The following SPTBN5 variants were observed in gnomAD, a reference collection of about 807,000 sequenced individuals.
SPTBN5 encodes the protein spectrin beta chain, non-erythrocytic 5.
Under a neutral mutation model 477.6 loss-of-function variants are expected in SPTBN5, and 513 were observed. The ratio of observed to expected loss-of-function variants is 1.07; its 90% CI spans 1.00 to 1.16. The LOEUF is 1.16. Ranked by LOEUF, SPTBN5 falls within the 50% of genes most tolerant of loss-of-function variation. The probability of loss-of-function intolerance (pLI) is 0.00; values close to 1 mark genes in which losing one functional copy is unlikely to be tolerated. For missense variants in SPTBN5, 5,062 were observed against 4,731.8 expected (o/e 1.07, Z -2.05); for synonymous variants, 2,169 against 2,011.7 (o/e 1.08, Z -2.09).
At position 41,871,786 on chromosome 15, in the gene SPTBN5, G is replaced by T. The variant is rs1428475809; in HGVS notation, c.5297C>A (p.Ala1766Asp). Residue 1766 changes from alanine (A) to aspartate (D), a missense_variant, in exon 28 of 68, where the codon GCC (alanine) becomes GAC (aspartate). Physicochemically the swap from Ala to Asp is moderately radical, Grantham distance 126 (BLOSUM62 -2). Coordinates refer to ENST00000320955, the MANE Select transcript of SPTBN5 (RefSeq NM_016642.4). ...TGACCCTGGCCCTCTTCTCACCAGGGCGTGCTCGGGGTCCTCTCCCAGGCT... is the reference window on the plus strand; with the variant it reads ...TGACCCTGGCCCTCTTCTCACCAGGTCGTGCTCGGGGTCCTCTCCCAGGCT... ...GESLGEDPEH[A>D]LHLCTKFAKF... is the part of the protein sequence containing the mutation. The T allele has an allele frequency of 6.3e-7, 1 of 1,584,204 alleles. No homozygotes were observed. The highest frequency in any genetic ancestry group is 1.7e-4 in the Middle Eastern group (1 of 5,996).
chr15:41,869,706 G>T (rs1030525955), intron 32 of SPTBN5, 135 bp downstream of exon 32: 3 of 923,952 alleles, frequency 3.2e-6, no homozygotes, highest in East Asian at 6.6e-5. Context: ...CTGACATCCC[G>T]TGTGCTCGTG....
chr15:41,874,989 C>A lies in SPTBN5; in HGVS notation c.4355G>T (p.Arg1452Leu). Residue 1452 changes from arginine to leucine, a missense_variant, in exon 23 of 68, where the codon CGC (arginine) becomes CTC (leucine). Transcript: ENST00000320955. The stretch of plus-strand genomic sequence containing the variant: ...CCGTTTCTGCAGCCTCTGGCTGGAG[C>A]GCAGGTCCTGCCCTGTTTCCGAGCT... Reference protein sequence around the residue: ...LQSSETGQDLRSSQRLQKRHQ... With the variant: ...LQSSETGQDLLSSQRLQKRHQ... The A allele has an allele frequency of 1.2e-6, 2 of 1,613,662 alleles. No homozygotes were observed. The highest frequency in any genetic ancestry group is 2.2e-5 in the East Asian group (1 of 44,872).
At position 41,857,318 on chromosome 15, in the gene SPTBN5, C is replaced by T. The variant is rs1051220573; in HGVS notation, c.8541G>A (p.Leu2847=). Residue 2847 remains leucine (L), a synonymous_variant, in exon 51 of 68, where the codon CTG becomes CTA. Coordinates refer to ENST00000320955, the MANE Select transcript of SPTBN5 (RefSeq NM_016642.4). ...DKKARQAEAL[L]GQAQAFVREG... The stretch of plus-strand genomic sequence containing the variant: ...CCCTCACAAAGGCCTGGGCCTGGCC[C>T]AGCAGTGCCTCAGCCTGCCTGGCCT... 3.2e-6 allele frequency: 5 copies of T among 1,568,506 alleles called. No homozygotes were observed. Among genetic ancestry groups the T allele is most frequent in the South Asian group, 1.2e-5 (1 of 85,538 alleles).
intron 61 of SPTBN5, 138 bp downstream of exon 61, chr15:41,852,490 TCTCCCA>T: frequency 7.8e-7 from 1 of 1,283,996 alleles, no homozygotes; most frequent in Non-Finnish European, 1.1e-6. Flanking sequence ...CAATGGTGCC[TCTCCCA>T]CCACCGCAGC....
rs534187346 is a variant in SPTBN5, at chr15:41,850,837, C to T, written c.10921+17G>A. The T allele has an allele frequency of 1.8e-5, 29 of 1,581,380 alleles. No individual in the cohort carries two copies. The Admixed American group carries it at 4.5e-4, about 24-fold the overall frequency. On this transcript the variant is annotated intron_variant, in intron 66 of 67. Transcript: ENST00000320955. ...GGGAGTCGGCCGCCCTCCCCGCATCCTTCCCCTGAAGCCCACCTGCAGTGC... is the reference window on the plus strand; with the variant it reads ...GGGAGTCGGCCGCCCTCCCCGCATCTTTCCCCTGAAGCCCACCTGCAGTGC...
chr15:41,857,522 G>A (rs780996589), intron 50 of SPTBN5, 28 bp from the exon 51 acceptor site: 7 of 1,603,008 alleles, frequency 4.4e-6, no homozygotes, highest in South Asian at 1.1e-5. Flanking sequence ...GTAGGCAGGA[G>A]GGGAGTGTCC....
rs369250546 is a variant in SPTBN5 at position 41,852,275 on chromosome 15, G to A, written c.10491C>T (p.Pro3497=). 76 of 1,603,836 alleles carry A rather than the reference G, an allele frequency of 4.7e-5. No individual in the cohort carries two copies. Among genetic ancestry groups the A allele is most frequent in the Middle Eastern group, 1.7e-4 (1 of 6,050 alleles). The change falls in exon 62 of 68, where the codon CCC becomes CCT. Residue 3497 remains proline, a synonymous_variant. Transcript: ENST00000320955. ...ATGTCAGCGAGCTGCCAGCTCTCCC[G>A]GGCTTCAGCTCCTGTGGCTGCAGCA... ...ELLLQPQELK[P]GRAGSSLTSF... is the part of the protein sequence containing the mutation.
chr15:41,886,940 C>T (rs905552035), intron 6 of SPTBN5, among the ~76,000 whole-genome samples: 7 of 152,244 alleles, frequency 4.6e-5, no homozygotes, highest in African/African-American at 9.6e-5. Context: ...GCCCGAGAGT[C>T]GGGAAGAAGG....
chr15:41,874,771 G>A, intron 23 of SPTBN5, 71 bp downstream of exon 23: 6 of 1,476,772 alleles, frequency 4.1e-6, no homozygotes, highest in Non-Finnish European at 5.5e-6. Context: ...CGGTCCTGTG[G>A]GTGCCATCTT....
At chr15:41,876,006 C>G in intron 21 of SPTBN5, 108 bp downstream of exon 21, 1 of 1,391,654 alleles carries the variant, frequency 7.2e-7, no homozygotes, top group Non-Finnish European at 9.7e-7. Flanking sequence ...TAGGTTCACG[C>G]TGAGGCTGAT....
At chr15:41,871,547 G>A (rs1469942972) in intron 28 of SPTBN5, 27 bp from the exon 29 acceptor site, 1 of 1,445,562 alleles carries the variant, frequency 6.9e-7, no homozygotes. Context: ...GGGTGACAGG[G>A]TAGCCCCCAG....
intron 10 of SPTBN5, 23 bp downstream of exon 10, chr15:41,882,561 CG>C (rs770768906): frequency 6.3e-6 from 10 of 1,585,852 alleles, no homozygotes; most frequent in Middle Eastern, 1.7e-4. Flanking sequence ...TGGCGACCGG[CG>C]GGCGCGCTCG....
intron 66 of SPTBN5, chr15:41,850,327 ACACACGGTC>A (rs1298826039): frequency 3.4e-6 from 1 of 292,764 alleles, no homozygotes; most frequent in African/African-American, 2.1e-5. Flanking sequence ...CATTCCCTGA[ACACACGGTC>A]CACACGGAGC....
intron 16 of SPTBN5, among the ~76,000 whole-genome samples, chr15:41,878,921 C>G (rs1379208873): frequency 6.6e-6 from 1 of 152,148 alleles, no homozygotes; most frequent in Non-Finnish European, 1.5e-5. Context: ...CAAAAATTAG[C>G]CAGGCATGGT....
At position 41,882,485 on chromosome 15, in the gene SPTBN5, G is replaced by T. The variant is rs372868536; in HGVS notation, c.2047-16C>A. 13 of 1,559,674 alleles carry T rather than the reference G, an allele frequency of 8.3e-6. No homozygotes were observed. Among genetic ancestry groups the T allele is most frequent in the Non-Finnish European group, 1.1e-5 (13 of 1,157,558 alleles). ...CTTCCAGGGCCTAGCGGGGGGCAGAGCAGGGGGCTCAGTGAAGGCAGAACA... is the reference window on the plus strand; with the variant it reads ...CTTCCAGGGCCTAGCGGGGGGCAGATCAGGGGGCTCAGTGAAGGCAGAACA... On this transcript the variant is annotated splice_polypyrimidine_tract_variant and intron_variant, in intron 10 of 67. Transcript: ENST00000320955.
intron 43 of SPTBN5, 89 bp from the exon 44 acceptor site, chr15:41,862,381 A>G (rs1055497219): frequency 2.0e-5 from 30 of 1,518,902 alleles, no homozygotes; most frequent in African/African-American, 1.1e-4. Context: ...AATCCCCTCA[A>G]CCACAGGAGG....
At chr15:41,878,084 G>A (rs2066808239) in intron 17 of SPTBN5, among the ~76,000 whole-genome samples, 1 of 152,162 alleles carries the variant, frequency 6.6e-6, no homozygotes. Flanking sequence ...GGGCCAGCCG[G>A]GCCTGGGCTG....
At position 41,882,628 on chromosome 15, in the gene SPTBN5, C is replaced by G; in HGVS notation, c.2003G>C (p.Gly668Ala). 6.2e-7 allele frequency: 1 copy of G among 1,607,036 alleles called. No individual in the cohort carries two copies. Among genetic ancestry groups the G allele is most frequent in the East Asian group, 2.2e-5 (1 of 44,672 alleles). ...GCCTGCGATCTGGCTGAGATCCCGG[C>G]CCAGGGCCGCATTCCCCACCCGCTG... is the stretch of plus-strand genomic sequence containing the variant. ...CGQRVGNAALGRDLSQIAGAL... is the reference protein window; with the variant it reads ...CGQRVGNAALARDLSQIAGAL... The change falls in exon 10 of 68, where the codon GGC becomes GCC. Residue 668 changes from glycine to alanine, a missense_variant. By Grantham distance (60) the Gly-to-Ala change is moderately conservative. Coordinates refer to ENST00000320955, the MANE Select transcript of SPTBN5 (RefSeq NM_016642.4).
Position 41,893,305 on chromosome 15 carries a change from T to C in SPTBN5, c.193A>G (p.Asn65Asp), listed in dbSNP as rs375059487. 5.8e-5 allele frequency: 93 copies of C among 1,614,040 alleles called. No individual in the cohort carries two copies. In the African/African-American group the frequency reaches 1.1e-3, roughly 20 times the overall value. The stretch of plus-strand genomic sequence containing the variant: ...ACCTGGCCGCACTGGAAGACGTTAT[T>C]GATCCACTTGGTGAAAGTCTTCTCC... ...MQEKTFTKWINNVFQCGQAGI... is the reference protein window; with the variant it reads ...MQEKTFTKWIDNVFQCGQAGI... Residue 65 changes from asparagine to aspartate, a missense_variant, in exon 2 of 68, where the codon AAT (asparagine) becomes GAT (aspartate). Coordinates refer to ENST00000320955, the MANE Select transcript of SPTBN5 (RefSeq NM_016642.4).
Sources: gnomAD v4.1 joint callset for allele counts (sites outside exome capture counted in the v4.1 genomes callset) on GRCh38, gnomAD v4.1.1 for gene constraint, MANE v1.5 for transcripts, NCBI Gene and HGNC (gene_info 2026-07-23, HGNC 2026-07-21) for gene names.